The following CNBD1 variants were observed in gnomAD, a reference collection of about 807,000 sequenced individuals.
CNBD1 encodes the protein cyclic nucleotide binding domain containing 1, also known as cyclic nucleotide-binding domain-containing protein 1.
A neutral mutation model predicts 54.4 loss-of-function variants in CNBD1; 71 were observed. The observed-to-expected ratio is 1.30, with a 90% CI of 1.08 to 1.59. The LOEUF is 1.59. Ranked by LOEUF, CNBD1 falls within the 40% of genes most tolerant of loss-of-function variation. CNBD1 has a pLI of 0.00. For missense variants in CNBD1, 659 were observed against 518.0 expected, an observed-to-expected ratio of 1.27 and a Z score of -2.64; for synonymous variants, 182 against 170.7, an observed-to-expected ratio of 1.07 and a Z score of -0.51.
At chr8:87,425,920 C>A (rs186877762) in intron 2 of CNBD1, among the ~76,000 whole-genome samples, 3 of 152,048 alleles carry the variant, frequency 2.0e-5, no homozygotes, top group African/African-American at 7.2e-5. Flanking sequence ...CCCCCAGCCT[C>A]ACTGCTGCCT....
At chr8:87,328,535 C>T (rs1810945837) in intron 8 of CNBD1, among the ~76,000 whole-genome samples, 1 of 151,614 alleles carries the variant, frequency 6.6e-6, no homozygotes, top group African/African-American at 2.4e-5. Flanking sequence ...TGTTTTGAAT[C>T]AGAAACTATG....
At chr8:86,937,434 CAACAGTCCCCCAAAGTCTT>C (rs1051314727) in intron 3 of CNBD1, among the ~76,000 whole-genome samples, 41 of 152,276 alleles carry the variant, frequency 2.7e-4, no homozygotes, top group African/African-American at 8.9e-4. Flanking sequence ...TGTACCTTCC[CAACAGTCCCCCAAAGTCTT>C]AACTCATTTC....
At chr8:87,272,817 T>G (rs1006413465) in intron 6 of CNBD1, among the ~76,000 whole-genome samples, 30 of 151,998 alleles carry the variant, frequency 2.0e-4, no homozygotes, top group African/African-American at 7.0e-4. Flanking sequence ...TAATAAACCT[T>G]ATGTGCTAAC....
intron 4 of CNBD1, among the ~76,000 whole-genome samples, chr8:87,154,709 A>G (rs1179422770): frequency 6.6e-6 from 1 of 152,168 alleles, no homozygotes; most frequent in Admixed American, 6.5e-5. Flanking sequence ...AAACCTATTA[A>G]CATTCATTAA....
intron 2 of CNBD1, among the ~76,000 whole-genome samples, chr8:86,900,474 A>C (rs1808915808): frequency 6.6e-6 from 1 of 152,130 alleles, no homozygotes; most frequent in Non-Finnish European, 1.5e-5. Context: ...TTTTCCATTA[A>C]AAGTGAGGCT....
At chr8:87,128,492 G>A (rs991114709) in intron 4 of CNBD1, among the ~76,000 whole-genome samples, 1 of 152,148 alleles carries the variant, frequency 6.6e-6, no homozygotes, top group Middle Eastern at 3.2e-3. Flanking sequence ...CAGGGAACTC[G>A]CCTATTTCAC....
In CNBD1 at chr8:87,119,770, G is replaced by T. The variant is rs375535716; in HGVS notation, c.432-86223G>T. On this transcript the variant is annotated intron_variant, in intron 4 of 10. Coordinates refer to ENST00000518476, the MANE Select transcript of CNBD1 (RefSeq NM_173538.3). ...GGTATGTTCCTTCTATGTCTAGTTT[G>T]TTGAGAGTTTTTATAGTGAAGGGAT... Among the ~76,000 whole-genome samples the T allele has an allele frequency of 6.6e-4, 100 of 152,050 alleles. 2 individuals carry two copies. The Middle Eastern group carries it at 0.027, about 41-fold the overall frequency.
At chr8:87,123,387 G>A (rs9886474) in intron 4 of CNBD1, among the ~76,000 whole-genome samples, 15,575 of 151,506 alleles carry the variant, frequency 0.1, 919 homozygotes, top group African/African-American at 0.13. Flanking sequence ...ACAAATATGT[G>A]GAAATTAAAC....
intron 4 of CNBD1, among the ~76,000 whole-genome samples, chr8:87,155,105 G>C (rs911957459): frequency 6.6e-6 from 1 of 152,124 alleles, no homozygotes; most frequent in African/African-American, 2.4e-5. Flanking sequence ...AATATTAAGA[G>C]GTGCATTTGA....
rs74572898 is a variant in CNBD1 at position 86,878,913 on chromosome 8, G to A, written c.89-8629G>A. Among the ~76,000 whole-genome samples the A allele has an allele frequency of 7.1e-3, 1,076 of 152,162 alleles. 11 individuals are homozygous for A. Among genetic ancestry groups the A allele is most frequent in the South Asian group, 0.031 (150 of 4,830 alleles). On this transcript the variant is annotated intron_variant, in intron 1 of 10. Transcript: ENST00000518476. The stretch of plus-strand genomic sequence containing the variant: ...TCAGGCTTCTTCCTCTAACTTTTAT[G>A]TTTTACTCTTTATGTTATTTAGTGG...
intron 6 of CNBD1, among the ~76,000 whole-genome samples, chr8:87,261,490 C>T (rs142043039): frequency 1.3e-5 from 2 of 149,694 alleles, no homozygotes; most frequent in African/African-American, 4.9e-5. Context: ...CACAGAGACT[C>T]CAGCCCAGCC....
intron 4 of CNBD1, among the ~76,000 whole-genome samples, chr8:87,169,619 T>A (rs892600900): frequency 6.6e-6 from 1 of 152,144 alleles, no homozygotes; most frequent in Non-Finnish European, 1.5e-5. Flanking sequence ...TTCATTTTTC[T>A]GCATATGGAT....
chr8:87,017,957 A>T (rs1486203209), intron 4 of CNBD1, among the ~76,000 whole-genome samples: 1 of 152,194 alleles, frequency 6.6e-6, no homozygotes, highest in African/African-American at 2.4e-5. Context: ...CTTTAAAAAA[A>T]TTCTGGCCGG....
At chr8:87,424,638 G>A (rs988458176) in intron 2 of CNBD1, among the ~76,000 whole-genome samples, 2 of 152,170 alleles carry the variant, frequency 1.3e-5, no homozygotes, top group Non-Finnish European at 2.9e-5. Flanking sequence ...TGGTCTGAGA[G>A]AGACCCTACA....
At chr8:87,299,298 CA>C (rs778699410) in intron 8 of CNBD1, among the ~76,000 whole-genome samples, 19 of 152,264 alleles carry the variant, frequency 1.2e-4, no homozygotes, top group Non-Finnish European at 1.9e-4. Flanking sequence ...TTCTCCTGGC[CA>C]TGCTTCTCTA....
chr8:87,317,993 A>G (rs1809435267), intron 8 of CNBD1, among the ~76,000 whole-genome samples: 1 of 151,984 alleles, frequency 6.6e-6, no homozygotes, highest in African/African-American at 2.4e-5. Flanking sequence ...TCTACTGTAC[A>G]TCAGAACCAT....
At chr8:87,183,824 G>T (rs1813413967) in intron 4 of CNBD1, among the ~76,000 whole-genome samples, 1 of 152,180 alleles carries the variant, frequency 6.6e-6, no homozygotes, top group Non-Finnish European at 1.5e-5. Flanking sequence ...GCATTGCTGG[G>T]CTGTATGCTC....
intron 4 of CNBD1, among the ~76,000 whole-genome samples, chr8:87,099,065 A>AC (rs1811377680): frequency 3.5e-5 from 5 of 144,064 alleles, no homozygotes; most frequent in South Asian, 2.1e-4. Context: ...AAAAAACAAA[A>AC]CTCCAAATTT....
At chr8:87,208,491 G>A (rs1017268316) in intron 5 of CNBD1, among the ~76,000 whole-genome samples, 1 of 151,640 alleles carries the variant, frequency 6.6e-6, no homozygotes, top group Non-Finnish European at 1.5e-5. Flanking sequence ...CTATATACAT[G>A]TGTACGTAGA....
Sources: allele counts gnomAD v4.1 joint callset (sites outside exome capture counted in the v4.1 genomes callset), GRCh38; gene constraint gnomAD v4.1.1; transcripts MANE v1.5; gene names NCBI Gene and HGNC (gene_info 2026-07-23, HGNC 2026-07-21).